Variants in FGD2 observed in about 807,000 individuals in gnomAD.
The protein encoded by FGD2 is FYVE, RhoGEF and PH domain-containing protein 2.
Under a neutral mutation model 75.9 loss-of-function variants are expected in FGD2, and 52 were observed. That is an observed-to-expected ratio of 0.69 (90% CI 0.55 to 0.86). The LOEUF is 0.86. FGD2 is among the 40% of genes least tolerant of loss of function. FGD2 has a pLI of 0.00. For missense variants in FGD2, 790 were observed against 872.0 expected (o/e 0.91, Z 1.18); for synonymous variants, 347 against 348.6 (o/e 1.00, Z 0.05).
chr6:37,015,050 C>T lies in FGD2; in HGVS notation c.1029+12C>T. The T allele has an allele frequency of 6.2e-7, 1 of 1,608,994 alleles. No homozygotes were observed. ...GCTACCTTTTCTTGGTAAGAGGGTG[C>T]TGGGAGCTCCTCTCCACACTGGGGA... On this transcript the variant is annotated intron_variant, in intron 8 of 15. Transcript: ENST00000274963.
At chr6:37,014,528 T>A in intron 6 of FGD2, 118 bp from the exon 7 acceptor site, 1 of 1,177,886 alleles carries the variant, frequency 8.5e-7, no homozygotes, top group Non-Finnish European at 1.2e-6. Context: ...CAGGCAGGGC[T>A]GCTCCTGGGG....
At chr6:37,026,267 G>T (rs1765818375) in intron 14 of FGD2, 1 of 985,308 alleles carries the variant, frequency 1.0e-6, no homozygotes, top group Admixed American at 6.1e-5. Context: ...GACAGTCCCA[G>T]GGTGCCAAGA....
rs367931504 is a variant in FGD2 at position 37,027,595 on chromosome 6, G to GC, written c.1752+26dup. 6.2e-6 allele frequency: 10 copies of GC among 1,612,894 alleles called. No individual in the cohort carries two copies. The African/African-American group carries it at 8.0e-5, about 13-fold the overall frequency. On this transcript the variant is annotated intron_variant, in intron 15 of 15. Transcript: ENST00000274963. ...CCTCAGGTAAGGCCACCACCTGCCCGCCCCCCGTCAGGCCCTGGCCTTCCC... is the reference window on the plus strand; with the variant it reads ...CCTCAGGTAAGGCCACCACCTGCCCGCCCCCCCGTCAGGCCCTGGCCTTCCC...
rs772207447 is a variant in FGD2 at position 37,014,119 on chromosome 6, G to A, written c.823+19G>A. On this transcript the variant is annotated intron_variant, in intron 6 of 15. Transcript: ENST00000274963. ...GCCCAGAGTGAGGACACCCCCAGGGGTCCCAGGGGGCTGAGGAGGCCTAAG... is the reference window on the plus strand; with the variant it reads ...GCCCAGAGTGAGGACACCCCCAGGGATCCCAGGGGGCTGAGGAGGCCTAAG... 2.5e-6 allele frequency: 4 copies of A among 1,611,146 alleles called. No individual in the cohort carries two copies. The South Asian group carries it at 3.3e-5, about 13-fold the overall frequency.
chr6:37,011,930 T>G, intron 4 of FGD2, 76 bp downstream of exon 4: 1 of 1,523,366 alleles, frequency 6.6e-7, no homozygotes, highest in Non-Finnish European at 8.8e-7. Flanking sequence ...CCCAGGGCGC[T>G]AGGTTCAGCC....
Position 37,027,601 on chromosome 6 carries a change from C to A in FGD2, c.1752+26C>A, listed in dbSNP as rs528330024. The A allele has an allele frequency of 9.9e-6, 16 of 1,612,884 alleles. No homozygotes were observed. The Middle Eastern group carries it at 6.6e-4, about 67-fold the overall frequency. Reference sequence around the variant, plus strand: ...GTAAGGCCACCACCTGCCCGCCCCCCGTCAGGCCCTGGCCTTCCCACAGCG... The same window carrying A: ...GTAAGGCCACCACCTGCCCGCCCCCAGTCAGGCCCTGGCCTTCCCACAGCG... On this transcript the variant is annotated intron_variant, in intron 15 of 15. Coordinates refer to ENST00000274963, the MANE Select transcript of FGD2 (RefSeq NM_173558.4).
At chr6:37,020,810 A>G in intron 11 of FGD2, 71 bp downstream of exon 11, 3 of 1,542,114 alleles carry the variant, frequency 1.9e-6, no homozygotes, top group Non-Finnish European at 2.6e-6. Context: ...CTTTCTTGGT[A>G]CTAGACTACC....
chr6:37,007,199 A>ACCTTG (rs1764794241), intron 1 of FGD2, among the ~76,000 whole-genome samples: 1 of 152,190 alleles, frequency 6.6e-6, no homozygotes, highest in African/African-American at 2.4e-5. Flanking sequence ...AAGGTCATAG[A>ACCTTG]CAGTAGATGT....
rs1765614251 is a variant in FGD2 at position 37,022,140 on chromosome 6, C to T, written c.1327-99C>T. 2.7e-6 allele frequency: 4 copies of T among 1,458,188 alleles called. No individual in the cohort carries two copies. In the South Asian group the frequency reaches 5.5e-5, roughly 20 times the overall value. 90.3% of individuals were successfully genotyped at this position (1,458,188 alleles called of 1,614,324 possible). A position where few individuals can be genotyped will look rare whatever the true frequency, so the allele number is the denominator to read the frequency against. ...CCAGGGAAGCCCAACACAAAGAATC[C>T]CTGCTACAGCAGGTGGGCACAGGGC... On this transcript the variant is annotated intron_variant, in intron 12 of 15. Coordinates refer to ENST00000274963, the MANE Select transcript of FGD2 (RefSeq NM_173558.4).
rs890365858 is a variant in FGD2 at position 37,008,993 on chromosome 6, G to A, written c.228G>A (p.Leu76=). 6.2e-7 allele frequency: 1 copy of A among 1,614,136 alleles called. No individual in the cohort carries two copies. The highest frequency in any genetic ancestry group is 8.5e-7 in the Non-Finnish European group (1 of 1,180,062). Reference sequence around the variant, plus strand: ...TCAGCAGGAGGTACCTGAACTCCCTGAAGAACAAGCTGTCCAGCGAAGCCT... The same window carrying A: ...TCAGCAGGAGGTACCTGAACTCCCTAAAGAACAAGCTGTCCAGCGAAGCCT... The part of the protein sequence containing the change: ...RTVSRRYLNS[L]KNKLSSEAWR... Residue 76 remains leucine, a synonymous_variant, in exon 2 of 16, where the codon CTG becomes CTA. Coordinates refer to ENST00000274963, the MANE Select transcript of FGD2 (RefSeq NM_173558.4).
chr6:37,025,973 C>T (rs1257411472), intron 14 of FGD2, 35 bp downstream of exon 14: 2 of 1,610,950 alleles, frequency 1.2e-6, no homozygotes, highest in East Asian at 2.2e-5. Flanking sequence ...ACCATCCGTC[C>T]TCTGTTCAGG....
intron 2 of FGD2, among the ~76,000 whole-genome samples, chr6:37,010,475 C>T (rs532561528): frequency 1.4e-4 from 21 of 152,308 alleles, no homozygotes; most frequent in Admixed American, 3.3e-4. Context: ...GGTTGGCGGA[C>T]GCAGTTTAGT....
chr6:37,008,922 G>A lies in FGD2; in HGVS notation c.157G>A (p.Glu53Lys), dbSNP rs763351869. The A allele has an allele frequency of 1.9e-6, 3 of 1,614,234 alleles. No individual in the cohort carries two copies. The highest frequency in any genetic ancestry group is 2.5e-6 in the Non-Finnish European group (3 of 1,180,038). ...CRPPESPGPR[E>K]KTNVGEAVGS... ...GCCTCCCGAGTCCCCAGGACCACGG[G>A]AGAAGACGAATGTCGGGGAGGCCGT... Residue 53 changes from glutamate (E) to lysine (K), a missense_variant, in exon 2 of 16, where the codon GAG becomes AAG. Glu to Lys is a moderately conservative substitution (Grantham distance 56). Coordinates refer to ENST00000274963, the MANE Select transcript of FGD2 (RefSeq NM_173558.4).
intron 9 of FGD2, among the ~76,000 whole-genome samples, chr6:37,018,462 A>G (rs1438088212): frequency 1.3e-5 from 2 of 152,096 alleles, no homozygotes; most frequent in Non-Finnish European, 2.9e-5. Flanking sequence ...GACCATCATG[A>G]TGGTTCCTAT....
At chr6:37,014,790 G>T in intron 7 of FGD2, 86 bp downstream of exon 7, 1 of 1,608,660 alleles carries the variant, frequency 6.2e-7, no homozygotes, top group African/African-American at 1.3e-5. Flanking sequence ...TCCCACTGCT[G>T]CCCTCACTGT....
rs1054556486 is a variant in FGD2, at chr6:37,016,210, T to TG, written c.1122+357dup. ...CAGGTTCTGAATCAGGAGGTCTGGG[T>TG]GGGGGGGTGCCTGAGATCCTGCATT... is the stretch of plus-strand genomic sequence containing the variant. On this transcript the variant is annotated intron_variant, in intron 9 of 15. Transcript: ENST00000274963. 1.3e-3 allele frequency among the ~76,000 whole-genome samples: 196 copies of TG among 152,088 alleles called. 2 individuals carry two copies. Among genetic ancestry groups the TG allele is most frequent in the Middle Eastern group, 3.4e-3 (1 of 294 alleles).
At chr6:37,009,086 A>C in intron 2 of FGD2, 21 bp downstream of exon 2, 1 of 1,609,312 alleles carries the variant, frequency 6.2e-7, no homozygotes, top group South Asian at 1.1e-5. Flanking sequence ...GCTGAGGTAG[A>C]GGTGTGGGGT....
Position 37,020,592 on chromosome 6 carries a change from A to AAGCAGC in FGD2, c.1175_1180dup (p.Gln393_Arg394insGlnGln). 6.2e-7 allele frequency: 1 copy of AAGCAGC among 1,608,034 alleles called. No individual in the cohort carries two copies. The highest frequency in any genetic ancestry group is 8.5e-7 in the Non-Finnish European group (1 of 1,177,666). ...TCCCCACTCCTTCCTGGTGTCCGGG[A>AAGCAGC]AGCAGCGCACCCTGGAGCTGCAAGC... On this transcript the variant is annotated inframe_insertion, in exon 10 of 16. Transcript: ENST00000274963.
chr6:37,028,117 G>C lies in FGD2; in HGVS notation c.1922G>C (p.Ser641Thr), dbSNP rs1336461145. The C allele has an allele frequency of 6.2e-7, 1 of 1,609,558 alleles. No individual in the cohort carries two copies. The highest frequency in any genetic ancestry group is 1.7e-5 in the Admixed American group (1 of 59,810). The change falls in exon 16 of 16, where the codon AGT becomes ACT. Residue 641 changes from serine to threonine, a missense_variant. Physicochemically the swap from Ser to Thr is moderately conservative, Grantham distance 58. Transcript: ENST00000274963. ...GTGAAGGCCATGGAGCGGGCGGCCA[G>C]TGGCTGGAGCCCCAGCTGGCCCAAC... is the stretch of plus-strand genomic sequence containing the variant. Reference protein sequence around the residue: ...RWVKAMERAASGWSPSWPNDG... With the variant: ...RWVKAMERAATGWSPSWPNDG...
Sources: allele counts gnomAD v4.1 joint callset (sites outside exome capture counted in the v4.1 genomes callset), GRCh38; gene constraint gnomAD v4.1.1; transcripts MANE v1.5; gene names NCBI Gene and HGNC (gene_info 2026-07-23, HGNC 2026-07-21).